The following MAGI3 variants were observed in gnomAD, a reference collection of about 807,000 sequenced individuals.
The protein encoded by MAGI3 is membrane associated guanylate kinase, WW and PDZ domain containing 3.
MAGI3 carries 43 observed loss-of-function variants against 121.8 expected under a neutral mutation model. That is an observed-to-expected ratio of 0.35 (90% CI 0.28 to 0.46). The LOEUF (loss-of-function observed/expected upper bound fraction) is 0.46, where lower values mean the gene tolerates loss of function less well. Among genes scored for constraint, MAGI3 ranks in the 20% least tolerant of loss-of-function variants. The pLI, the probability that MAGI3 is intolerant of heterozygous loss-of-function variation, is 1.00. For missense variants in MAGI3, 1,547 were observed against 1,797.3 expected (o/e 0.86, Z 2.52); for synonymous variants, 553 against 639.3 (o/e 0.86, Z 2.04).
At position 113,659,126 on chromosome 1, in the gene MAGI3, C is replaced by A. The variant is rs1406073927; in HGVS notation, c.2676C>A (p.Asp892Glu). 1 of 1,613,850 alleles carries A rather than the reference C, an allele frequency of 6.2e-7. No homozygotes were observed. Among genetic ancestry groups the A allele is most frequent in the Non-Finnish European group, 8.5e-7 (1 of 1,179,844 alleles). The change falls in exon 16 of 21, where the codon GAC (aspartate) becomes GAA (glutamate). Residue 892 changes from aspartate to glutamate, a missense_variant. Transcript: ENST00000307546. ...GAGTCATAGAAGGAAGTCCGGCTGA[C>A]CGCTGTGGAAAACTGAAAGTTGGAG... is the stretch of plus-strand genomic sequence containing the variant. The part of the protein sequence containing the change: ...IGRVIEGSPA[D>E]RCGKLKVGDH...
intron 5 of MAGI3, among the ~76,000 whole-genome samples, chr1:113,592,189 G>A (rs1354224195): frequency 6.6e-6 from 1 of 152,078 alleles, no homozygotes; most frequent in African/African-American, 2.4e-5. Flanking sequence ...ATATTATAAA[G>A]GGTTAATATG....
At chr1:113,608,961 T>C (rs1649960493) in intron 6 of MAGI3, among the ~76,000 whole-genome samples, 1 of 152,228 alleles carries the variant, frequency 6.6e-6, no homozygotes, top group Admixed American at 6.5e-5. Flanking sequence ...TTTCTTAAAA[T>C]AGAATGATCA....
chr1:113,633,158 G>T (rs1485617318), intron 9 of MAGI3, among the ~76,000 whole-genome samples: 1 of 133,512 alleles, frequency 7.5e-6, no homozygotes. Context: ...GCAGTGTTTG[G>T]TTTTTTGTTC....
At chr1:113,395,261 TAG>T (rs1157423522) in intron 1 of MAGI3, among the ~76,000 whole-genome samples, 1 of 151,762 alleles carries the variant, frequency 6.6e-6, no homozygotes, top group African/African-American at 2.4e-5. Context: ...CAAGAAAATC[TAG>T]AGACCTAGAG....
At chr1:113,567,470 A>G (rs1660479509) in intron 2 of MAGI3, among the ~76,000 whole-genome samples, 1 of 152,076 alleles carries the variant, frequency 6.6e-6, no homozygotes. Context: ...AATAAAGGAG[A>G]ACTACAGGCC....
chr1:113,425,856 C>T (rs1485500171), intron 1 of MAGI3, among the ~76,000 whole-genome samples: 1 of 152,074 alleles, frequency 6.6e-6, no homozygotes, highest in Non-Finnish European at 1.5e-5. Flanking sequence ...TTTTTAAAAA[C>T]CTTCCAAAGA....
chr1:113,665,203 T>G (rs1248013117), intron 16 of MAGI3, among the ~76,000 whole-genome samples: 1 of 152,152 alleles, frequency 6.6e-6, no homozygotes, highest in Non-Finnish European at 1.5e-5. Flanking sequence ...TTTTTTATTC[T>G]TAAGATGAGC....
chr1:113,393,713 ATTCT>A (rs1486620053), intron 1 of MAGI3, among the ~76,000 whole-genome samples: 4 of 152,236 alleles, frequency 2.6e-5, no homozygotes, highest in Non-Finnish European at 5.9e-5. Context: ...AGAGACAAAG[ATTCT>A]TTATTGTGAT....
At chr1:113,569,941 G>A (rs1302036228) in intron 2 of MAGI3, among the ~76,000 whole-genome samples, 1 of 152,080 alleles carries the variant, frequency 6.6e-6, no homozygotes, top group Non-Finnish European at 1.5e-5. Flanking sequence ...TGTTGCATAG[G>A]TATGCATGTG....
intron 1 of MAGI3, among the ~76,000 whole-genome samples, chr1:113,530,753 T>A (rs1377434536): frequency 6.6e-6 from 1 of 151,870 alleles, no homozygotes; most frequent in Non-Finnish European, 1.5e-5. Flanking sequence ...AAACCCTATC[T>A]CTAAAAAAAT....
chr1:113,438,205 T>G (rs887516223), intron 1 of MAGI3, among the ~76,000 whole-genome samples: 2 of 152,080 alleles, frequency 1.3e-5, no homozygotes, highest in Non-Finnish European at 2.9e-5. Context: ...CCCCCTTCTC[T>G]TATCACTCCC....
intron 7 of MAGI3, chr1:113,618,681 T>G (rs1650635962): frequency 3.3e-6 from 1 of 301,298 alleles, no homozygotes; most frequent in Non-Finnish European, 6.4e-6. Flanking sequence ...TATTTTTGTA[T>G]TTTTAGTAGA....
Position 113,641,949 on chromosome 1 carries a change from G to A in MAGI3, c.1399G>A (p.Gly467Ser), listed in dbSNP as rs774573057. 9.4e-6 allele frequency: 15 copies of A among 1,600,078 alleles called. No homozygotes were observed. Among genetic ancestry groups the A allele is most frequent in the South Asian group, 2.2e-5 (2 of 90,568 alleles). Residue 467 changes from glycine (G) to serine (S), a missense_variant, in exon 10 of 21, where the codon GGT becomes AGT. Physicochemically the swap from Gly to Ser is moderately conservative, Grantham distance 56 (BLOSUM62 0). Coordinates refer to ENST00000307546, the MANE Select transcript of MAGI3 (RefSeq NM_001142782.2). ...IVDINGNCVLGHTHADVVQMF... is the reference protein window; with the variant it reads ...IVDINGNCVLSHTHADVVQMF... ...AGACATCAATGGCAACTGTGTCCTC[G>A]GTCACACTCATGCAGATGTTGTCCA...
chr1:113,492,550 G>C (rs2101584110), intron 1 of MAGI3, among the ~76,000 whole-genome samples: 1 of 152,238 alleles, frequency 6.6e-6, no homozygotes, highest in South Asian at 2.1e-4. Context: ...GTCCTGGTCA[G>C]GGCAATGAGG....
chr1:113,641,099 A>G (rs1180648694), intron 9 of MAGI3, among the ~76,000 whole-genome samples: 1 of 65,972 alleles, frequency 1.5e-5, no homozygotes, highest in East Asian at 3.0e-4. Flanking sequence ...TATTATATAT[A>G]TGATATATAA....
At position 113,658,687 on chromosome 1, in the gene MAGI3, A is replaced by C. The variant is rs1018541604; in HGVS notation, c.2630-393A>C. Among the ~76,000 whole-genome samples the C allele has an allele frequency of 3.3e-5, 5 of 152,238 alleles. No individual in the cohort carries two copies. The highest frequency in any genetic ancestry group is 9.6e-5 in the African/African-American group (4 of 41,460). On this transcript the variant is annotated intron_variant, in intron 15 of 20. Coordinates refer to ENST00000307546, the MANE Select transcript of MAGI3 (RefSeq NM_001142782.2). This position sits in a 1 kb window ranked among gnomAD's most constrained non-coding sequence, Gnocchi z 4.0. ...GATAATCTTATCGTAGCAGTTTTTA[A>C]AATAGCTAAAAACTTGTTGCAGCTT...
chr1:113,616,311 G>A (rs989186395), intron 7 of MAGI3, among the ~76,000 whole-genome samples: 1 of 152,216 alleles, frequency 6.6e-6, no homozygotes, highest in Non-Finnish European at 1.5e-5. Context: ...CTAAGAAGGA[G>A]CAGACTGTAC....
intron 1 of MAGI3, among the ~76,000 whole-genome samples, chr1:113,506,935 G>A (rs2101604249): frequency 6.6e-6 from 1 of 152,246 alleles, no homozygotes; most frequent in South Asian, 2.1e-4. Flanking sequence ...GGCCTAGGTT[G>A]TAAAAAGCAT....
At chr1:113,476,468 T>C (rs2101552177) in intron 1 of MAGI3, among the ~76,000 whole-genome samples, 1 of 152,326 alleles carries the variant, frequency 6.6e-6, no homozygotes, top group South Asian at 2.1e-4. Flanking sequence ...TCTGCCTTCA[T>C]TTTGTTATTT....
Sources: gnomAD v4.1 joint callset for allele counts (sites outside exome capture counted in the v4.1 genomes callset) on GRCh38, gnomAD v4.1.1 for gene constraint, Gnocchi (gnomAD v3.1) non-coding constraint, MANE v1.5 for transcripts, NCBI Gene and HGNC (gene_info 2026-07-23, HGNC 2026-07-21) for gene names.